The following FAM184B variants were observed in gnomAD, a reference collection of about 807,000 sequenced individuals.
FAM184B encodes the protein protein FAM184B.
A neutral mutation model predicts 135.9 loss-of-function variants in FAM184B; 111 were observed. The observed-to-expected ratio is 0.82, with a 90% CI of 0.70 to 0.96. The LOEUF is 0.96. Among genes scored for constraint, FAM184B ranks in the 40% least tolerant of loss-of-function variants. The pLI, the probability that FAM184B is intolerant of heterozygous loss-of-function variation, is 0.00. For synonymous variants in FAM184B, 552 were observed against 524.8 expected (o/e 1.05, Z -0.71); for missense variants, 1,375 against 1,323.9 (o/e 1.04, Z -0.60).
chr4:17,676,908 G>A (rs1716322214), intron 7 of FAM184B, among the ~76,000 whole-genome samples: 1 of 152,160 alleles, frequency 6.6e-6, no homozygotes, highest in South Asian at 2.1e-4. Flanking sequence ...CTAGGTTTGT[G>A]TAAGTACACT....
chr4:17,688,944 C>T (rs1716659835), intron 6 of FAM184B, among the ~76,000 whole-genome samples: 1 of 152,134 alleles, frequency 6.6e-6, no homozygotes. Flanking sequence ...CCGCCTGCCT[C>T]GGCCTCCAAA....
Position 17,636,599 on chromosome 4 carries a change from C to T in FAM184B, c.2713G>A (p.Glu905Lys), listed in dbSNP as rs267600081. ...AGGCGGCCAATGAGCTGAAGGTCCT[C>T]GGGCCTGGACGCTCCCTTCCCTGGC... is the stretch of plus-strand genomic sequence containing the variant. ...EKPGKGASRP[E>K]DLQLIGRLQT... The change falls in exon 15 of 18, where the codon GAG (glutamate) becomes AAG (lysine). Residue 905 changes from glutamate to lysine, a missense_variant. Coordinates refer to ENST00000265018, the MANE Select transcript of FAM184B (RefSeq NM_015688.2). The T allele has an allele frequency of 3.9e-6, 6 of 1,550,866 alleles. No homozygotes were observed. The highest frequency in any genetic ancestry group is 3.9e-5 in the Admixed American group (2 of 50,960).
At chr4:17,776,261 A>C (rs779825655) in intron 1 of FAM184B, among the ~76,000 whole-genome samples, 4 of 152,256 alleles carry the variant, frequency 2.6e-5, no homozygotes, top group African/African-American at 9.6e-5. Flanking sequence ...AATATTAACA[A>C]ACCTATAGGA....
In FAM184B at chr4:17,660,454, G is replaced by T. The variant is rs138109762; in HGVS notation, c.1695-367C>A. Among the ~76,000 whole-genome samples the T allele has an allele frequency of 1.3e-3, 195 of 152,110 alleles. 2 individuals carry two copies. Among genetic ancestry groups the T allele is most frequent in the African/African-American group, 4.3e-3 (179 of 41,498 alleles). The stretch of plus-strand genomic sequence containing the variant: ...GGGCTCCAAAAAAGAGATCTCTATG[G>T]TCTTAATTTTGCAGCTTTTTCTGCA... On this transcript the variant is annotated intron_variant, in intron 8 of 17. Coordinates refer to ENST00000265018, the MANE Select transcript of FAM184B (RefSeq NM_015688.2).
At chr4:17,665,563 G>T (rs368034063) in intron 7 of FAM184B, among the ~76,000 whole-genome samples, 3 of 152,132 alleles carry the variant, frequency 2.0e-5, no homozygotes, top group African/African-American at 7.2e-5. Flanking sequence ...TTCATCAACT[G>T]TGAAACAAAG....
chr4:17,740,821 GTCTT>G (rs1718017152), intron 1 of FAM184B, among the ~76,000 whole-genome samples: 1 of 152,190 alleles, frequency 6.6e-6, no homozygotes, highest in South Asian at 2.1e-4. Context: ...TTTATGTGGT[GTCTT>G]TCTTTTTCCA....
rs148335937 is a variant in FAM184B at position 17,650,316 on chromosome 4, G to A, written c.2191+2514C>T. The stretch of plus-strand genomic sequence containing the variant: ...GTGTCTCACACAGATATAAGAAGAA[G>A]AATAATCAGCATCAGGAATATCTCA... On this transcript the variant is annotated intron_variant, in intron 11 of 17. Coordinates refer to ENST00000265018, the MANE Select transcript of FAM184B (RefSeq NM_015688.2). 5.5e-3 allele frequency among the ~76,000 whole-genome samples: 834 copies of A among 152,114 alleles called. 6 individuals carry two copies. Among genetic ancestry groups the A allele is most frequent in the African/African-American group, 0.019 (786 of 41,536 alleles).
chr4:17,755,449 C>T (rs1007578894), intron 1 of FAM184B, among the ~76,000 whole-genome samples: 2 of 152,166 alleles, frequency 1.3e-5, no homozygotes, highest in Non-Finnish European at 2.9e-5. Flanking sequence ...AATGCTTTTA[C>T]ACTGTTGGTG....
At chr4:17,642,464 A>G (rs1245978173) in intron 12 of FAM184B, among the ~76,000 whole-genome samples, 2 of 152,140 alleles carry the variant, frequency 1.3e-5, no homozygotes, top group African/African-American at 2.4e-5. Context: ...TGAGCTAAGA[A>G]TGGGTCTTGC....
At chr4:17,711,899 C>T (rs1015046613) in intron 1 of FAM184B, among the ~76,000 whole-genome samples, 1 of 152,122 alleles carries the variant, frequency 6.6e-6, no homozygotes, top group Admixed American at 6.5e-5. Flanking sequence ...TGGAATGAGA[C>T]AAGGTCACTA....
chr4:17,664,456 G>C (rs547801270), intron 8 of FAM184B, 106 bp downstream of exon 8: 1 of 851,818 alleles, frequency 1.2e-6, no homozygotes, highest in African/African-American at 1.7e-5. Context: ...CATGCTGCAA[G>C]GAGCAGTGAT....
intron 1 of FAM184B, among the ~76,000 whole-genome samples, chr4:17,713,627 T>C (rs1005233407): frequency 2.6e-5 from 4 of 152,214 alleles, no homozygotes; most frequent in African/African-American, 9.6e-5. Flanking sequence ...AATTTGGTAT[T>C]TTTCTGAGCA....
intron 12 of FAM184B, among the ~76,000 whole-genome samples, chr4:17,646,247 A>C (rs1410783703): frequency 6.6e-6 from 1 of 152,054 alleles, no homozygotes; most frequent in East Asian, 1.9e-4. Context: ...CCAAAGGATT[A>C]TAAATCATGC....
In FAM184B at chr4:17,700,512, C is replaced by A. The variant is rs554527681; in HGVS notation, c.1377+4488G>T. ...TTTACATGAAACAAAAACTGAGAAC[C>A]AAAAGGAGAAATAGACAAATCTACA... On this transcript the variant is annotated intron_variant, in intron 5 of 17. Coordinates refer to ENST00000265018, the MANE Select transcript of FAM184B (RefSeq NM_015688.2). 3.3e-5 allele frequency among the ~76,000 whole-genome samples: 5 copies of A among 152,226 alleles called. No homozygotes were observed. The East Asian group carries it at 7.7e-4, about 23-fold the overall frequency.
chr4:17,771,724 A>G (rs1191268377), intron 1 of FAM184B, among the ~76,000 whole-genome samples: 2 of 152,148 alleles, frequency 1.3e-5, no homozygotes, highest in Non-Finnish European at 2.9e-5. Context: ...CTCCTGCCCT[A>G]CAGCACTGCC....
At chr4:17,748,653 T>C (rs958495086) in intron 1 of FAM184B, among the ~76,000 whole-genome samples, 2 of 151,168 alleles carry the variant, frequency 1.3e-5, no homozygotes, top group African/African-American at 4.9e-5. Context: ...AGTAGCTGGG[T>C]TCACAGATTC....
intron 1 of FAM184B, among the ~76,000 whole-genome samples, chr4:17,733,011 G>A (rs1717822342): frequency 6.6e-6 from 1 of 152,136 alleles, no homozygotes. Flanking sequence ...CTTCATTCCT[G>A]GGATGCAAGG....
In FAM184B at chr4:17,709,075, C is replaced by T. The variant is rs1316889077; in HGVS notation, c.711G>A (p.Gln237=). The T allele has an allele frequency of 6.5e-7, 1 of 1,550,092 alleles. No individual in the cohort carries two copies. Among genetic ancestry groups the T allele is most frequent in the East Asian group, 2.4e-5 (1 of 40,868 alleles). The change falls in exon 2 of 18, where the codon CAG becomes CAA. Residue 237 remains glutamine (Q), a synonymous_variant. Transcript: ENST00000265018. ...GCCACAGGGCCTGGCTCACCGACTG[C>T]TGCATGGCCTGCCGGATGGCCTCGT... ...RENEAIRQAM[Q]QSVSQALWQW...
chr4:17,694,098 C>T (rs951349462), intron 5 of FAM184B, among the ~76,000 whole-genome samples: 3 of 152,200 alleles, frequency 2.0e-5, no homozygotes, highest in African/African-American at 4.8e-5. Flanking sequence ...GGTGCAGTTA[C>T]GTTCCAGCTG....
Sources: gnomAD v4.1 joint callset for allele counts (sites outside exome capture counted in the v4.1 genomes callset) on GRCh38, gnomAD v4.1.1 for gene constraint, MANE v1.5 for transcripts, NCBI Gene and HGNC (gene_info 2026-07-23, HGNC 2026-07-21) for gene names.